Variants in GPC5 observed in about 807,000 individuals in gnomAD.
GPC5 encodes glypican-5.
GPC5 carries 47 observed loss-of-function variants against 53.9 expected under a neutral mutation model. That is an observed-to-expected ratio of 0.87 (90% CI 0.69 to 1.11). The LOEUF (loss-of-function observed/expected upper bound fraction) is 1.11. Ranked by LOEUF, GPC5 falls within the 50% of genes most tolerant of loss-of-function variation. The pLI, the probability that GPC5 is intolerant of heterozygous loss-of-function variation, is 0.00. For missense variants in GPC5, 748 were observed against 713.1 expected (o/e 1.05, Z -0.56); for synonymous variants, 286 against 263.3 (o/e 1.09, Z -0.84).
chr13:92,473,058 AT>A (rs1196704688), intron 7 of GPC5, among the ~76,000 whole-genome samples: 18 of 152,172 alleles, frequency 1.2e-4, no homozygotes, highest in Non-Finnish European at 2.5e-4. Flanking sequence ...TATTGATCAT[AT>A]TTCTAAAAAT....
chr13:92,649,488 A>C (rs765834933), intron 7 of GPC5, among the ~76,000 whole-genome samples: 1 of 152,178 alleles, frequency 6.6e-6, no homozygotes, highest in Non-Finnish European at 1.5e-5. Context: ...TTCAAATCAT[A>C]ATGCATAAAC....
At chr13:92,767,556 G>C (rs1035685811) in intron 7 of GPC5, among the ~76,000 whole-genome samples, 7 of 152,156 alleles carry the variant, frequency 4.6e-5, no homozygotes, top group Non-Finnish European at 1.0e-4. Context: ...TTTGGACATT[G>C]CAGCAAAATC....
chr13:91,812,182 C>T (rs2038322727), intron 5 of GPC5, among the ~76,000 whole-genome samples: 1 of 152,192 alleles, frequency 6.6e-6, no homozygotes, highest in Admixed American at 6.5e-5. Context: ...TTAGCAGATT[C>T]AGACAAACAC....
intron 2 of GPC5, among the ~76,000 whole-genome samples, chr13:91,520,698 G>C (rs12430582): frequency 1.3e-5 from 2 of 150,668 alleles, no homozygotes; most frequent in African/African-American, 5.0e-5. Context: ...GTGTATATAT[G>C]TATATATATG....
intron 6 of GPC5, among the ~76,000 whole-genome samples, chr13:92,086,722 A>C (rs1295055125): frequency 6.6e-6 from 1 of 151,374 alleles, no homozygotes; most frequent in East Asian, 2.0e-4. Flanking sequence ...GCAGTGGAGC[A>C]ATCTTGGCTC....
intron 5 of GPC5, among the ~76,000 whole-genome samples, chr13:91,825,206 G>A (rs1446130458): frequency 6.6e-6 from 1 of 151,890 alleles, no homozygotes. Context: ...TATCAAAAGA[G>A]TATGACATGG....
At chr13:91,552,350 G>A (rs561613981) in intron 2 of GPC5, among the ~76,000 whole-genome samples, 12 of 152,092 alleles carry the variant, frequency 7.9e-5, no homozygotes, top group African/African-American at 2.6e-4. Context: ...TATATCTAAC[G>A]TGTAAGGAAT....
intron 7 of GPC5, among the ~76,000 whole-genome samples, chr13:92,352,468 G>C (rs1371538349): frequency 6.6e-6 from 1 of 152,082 alleles, no homozygotes. Context: ...AACTAGAAAA[G>C]TATTGGTGTT....
intron 7 of GPC5, among the ~76,000 whole-genome samples, chr13:92,849,390 T>C (rs889852236): frequency 6.6e-6 from 1 of 152,198 alleles, no homozygotes; most frequent in Non-Finnish European, 1.5e-5. Flanking sequence ...GGATAGGATA[T>C]ACAAGCCAAG....
intron 2 of GPC5, among the ~76,000 whole-genome samples, chr13:91,564,922 T>A (rs1433589085): frequency 3.3e-5 from 5 of 151,622 alleles, no homozygotes; most frequent in African/African-American, 4.8e-5. Flanking sequence ...GGTCATAAAC[T>A]AATGGCTGAC....
rs377516024 is a variant in GPC5 at position 92,045,920 on chromosome 13, A to G, written c.1402-98910A>G. 3.3e-5 allele frequency among the ~76,000 whole-genome samples: 5 copies of G among 152,160 alleles called. No homozygotes were observed. The East Asian group carries it at 7.8e-4, about 24-fold the overall frequency. On this transcript the variant is annotated intron_variant, in intron 6 of 7. Coordinates refer to ENST00000377067, the MANE Select transcript of GPC5 (RefSeq NM_004466.6). ...CTATGAATATTCAGTTTAAAATTTC[A>G]CCAATGCCTGAAACCCCGTCTCTAC...
chr13:91,955,624 T>C (rs1401292749), intron 6 of GPC5, among the ~76,000 whole-genome samples: 1 of 152,144 alleles, frequency 6.6e-6, no homozygotes, highest in African/African-American at 2.4e-5. Context: ...TTCCCACTCC[T>C]AGCCATGGGA....
At chr13:92,421,451 G>A (rs1345537975) in intron 7 of GPC5, among the ~76,000 whole-genome samples, 4 of 152,118 alleles carry the variant, frequency 2.6e-5, no homozygotes, top group Non-Finnish European at 5.9e-5. Flanking sequence ...TGTAATCCCA[G>A]CACTTTGGGA....
chr13:91,591,247 C>G (rs2032787359), intron 2 of GPC5, among the ~76,000 whole-genome samples: 1 of 152,170 alleles, frequency 6.6e-6, no homozygotes, highest in African/African-American at 2.4e-5. Flanking sequence ...TGCTACTCAC[C>G]TCCTCAGGGA....
intron 3 of GPC5, among the ~76,000 whole-genome samples, chr13:91,724,829 C>T (rs902420492): frequency 3.3e-5 from 5 of 152,020 alleles, no homozygotes; most frequent in Admixed American, 1.3e-4. Flanking sequence ...TGCACTCCAG[C>T]CTGGGCGACA....
intron 7 of GPC5, among the ~76,000 whole-genome samples, chr13:92,244,601 G>A (rs2042636803): frequency 6.6e-6 from 1 of 152,048 alleles, no homozygotes; most frequent in Admixed American, 6.6e-5. Context: ...CTTACTCAGA[G>A]AACTCTGAAA....
chr13:92,684,181 C>A (rs1396014396), intron 7 of GPC5, among the ~76,000 whole-genome samples: 1 of 152,078 alleles, frequency 6.6e-6, no homozygotes, highest in Non-Finnish European at 1.5e-5. Flanking sequence ...AGTATATAGG[C>A]TTTCATATTG....
intron 7 of GPC5, among the ~76,000 whole-genome samples, chr13:92,626,844 G>A (rs550019613): frequency 8.5e-5 from 13 of 152,186 alleles, no homozygotes; most frequent in African/African-American, 3.1e-4. Context: ...CTTACTGGTA[G>A]CTTTATAGAA....
At chr13:92,438,995 T>C (rs973098399) in intron 7 of GPC5, among the ~76,000 whole-genome samples, 2 of 152,162 alleles carry the variant, frequency 1.3e-5, no homozygotes, top group African/African-American at 2.4e-5. Context: ...TTGGATATAC[T>C]GGTCTGGAGC....
Sources: gnomAD v4.1 joint callset for allele counts (sites outside exome capture counted in the v4.1 genomes callset) on GRCh38, gnomAD v4.1.1 for gene constraint, MANE v1.5 for transcripts, NCBI Gene and HGNC (gene_info 2026-07-23, HGNC 2026-07-21) for gene names.